The following TLCD4 variants were observed in gnomAD, a reference collection of about 807,000 sequenced individuals.
TLCD4 encodes TLC domain containing 4.
In TLCD4, 7 loss-of-function variants were observed where a neutral mutation model predicts 24.2. That is an observed-to-expected ratio of 0.29 (90% CI 0.16 to 0.54). The LOEUF (loss-of-function observed/expected upper bound fraction) is 0.54, where lower values mean the gene tolerates loss of function less well. TLCD4 is among the 20% of genes least tolerant of loss of function. TLCD4 has a pLI of 0.95. For missense variants in TLCD4, 259 were observed against 313.9 expected (o/e 0.82, Z 1.32); for synonymous variants, 103 against 106.4 (o/e 0.97, Z 0.20).
intron 1 of TLCD4, among the ~76,000 whole-genome samples, chr1:95,134,614 G>A (rs781075643): frequency 6.6e-6 from 1 of 152,138 alleles, no homozygotes; most frequent in African/African-American, 2.4e-5. Flanking sequence ...TGATGGGCTG[G>A]GAAGGAACTT....
At chr1:95,160,668 A>G (rs1469688906) in intron 5 of TLCD4, among the ~76,000 whole-genome samples, 2 of 152,106 alleles carry the variant, frequency 1.3e-5, no homozygotes, top group African/African-American at 4.8e-5. Context: ...TTATTTTGAG[A>G]TACATCCCAT....
chr1:95,155,766 T>A (rs1439796599), intron 5 of TLCD4, among the ~76,000 whole-genome samples: 2 of 131,526 alleles, frequency 1.5e-5, no homozygotes, highest in Non-Finnish European at 1.7e-5. Context: ...TTTTTTTTTT[T>A]AAGATTTTTT....
At chr1:95,110,758 C>T in the TLCD4 span, among the ~76,000 whole-genome samples, 187 of 150,986 alleles carry the variant, frequency 1.2e-3, 3 homozygotes, top group East Asian at 0.029. Flanking sequence ...GGTGTGGTGG[C>T]GCATGCCTGT....
the TLCD4 span, among the ~76,000 whole-genome samples, chr1:95,095,570 T>C: frequency 6.6e-6 from 1 of 152,032 alleles, no homozygotes; most frequent in African/African-American, 2.4e-5. Flanking sequence ...GCTAATCTTT[T>C]GTATTTTTAG....
chr1:95,140,060 C>T (rs191991219), intron 1 of TLCD4, among the ~76,000 whole-genome samples: 1 of 152,084 alleles, frequency 6.6e-6, no homozygotes, highest in African/African-American at 2.4e-5. Flanking sequence ...TGGACTGCCT[C>T]CTGAAGGACT....
Position 95,148,779 on chromosome 1 carries a change from C to G in TLCD4, c.233C>G (p.Ala78Gly), listed in dbSNP as rs751307917. 6.8e-6 allele frequency: 11 copies of G among 1,613,206 alleles called. No individual in the cohort carries two copies. The African/African-American group carries it at 1.1e-4, about 16-fold the overall frequency. The change falls in exon 3 of 7, where the codon GCT becomes GGT. Residue 78 changes from alanine (A) to glycine (G), a missense_variant. Physicochemically the swap from Ala to Gly is moderately conservative, Grantham distance 60. Transcript: ENST00000370203. Reference protein sequence around the residue: ...YIFLFDEATKADPLWGGPSLA... With the variant: ...YIFLFDEATKGDPLWGGPSLA... ...TTCTTATTCGATGAGGCTACTAAAGCTGATCCACTTTGGTAAGCTGTTTCT... is the reference window on the plus strand; with the variant it reads ...TTCTTATTCGATGAGGCTACTAAAGGTGATCCACTTTGGTAAGCTGTTTCT...
chr1:95,174,925 AC>A (rs1393660976), intron 6 of TLCD4, among the ~76,000 whole-genome samples: 29 of 152,140 alleles, frequency 1.9e-4, no homozygotes, highest in Non-Finnish European at 3.1e-4. Flanking sequence ...ACAGGTGCCC[AC>A]CACCATGCCT....
At chr1:95,157,718 G>A (rs1258905381) in intron 5 of TLCD4, among the ~76,000 whole-genome samples, 1 of 152,188 alleles carries the variant, frequency 6.6e-6, no homozygotes, top group African/African-American at 2.4e-5. Context: ...TGTAGCTTGG[G>A]CTTCTCACAG....
intron 1 of TLCD4, among the ~76,000 whole-genome samples, chr1:95,131,382 T>C (rs1222014701): frequency 2.0e-5 from 3 of 152,102 alleles, no homozygotes; most frequent in African/African-American, 7.2e-5. Context: ...ATGGCATCTT[T>C]AAGGAAGAGA....
At chr1:95,109,912 C>CAT in the TLCD4 span, among the ~76,000 whole-genome samples, 52 of 80,264 alleles carry the variant, frequency 6.5e-4, no homozygotes, top group East Asian at 8.2e-4. Flanking sequence ...TGTGTGTATG[C>CAT]ATATATATAT....
In TLCD4 at chr1:95,193,845, G is replaced by T. The variant is rs965417858; in HGVS notation, c.*1977G>T. The T allele has an allele frequency of 6.6e-6, 1 of 152,038 alleles. No individual in the cohort carries two copies. Among genetic ancestry groups the T allele is most frequent in the Non-Finnish European group, 1.5e-5 (1 of 67,952 alleles). 9.4% of individuals were successfully genotyped at this position (152,038 alleles called of 1,614,324 possible). On this transcript the variant is annotated 3_prime_UTR_variant, in exon 7 of 7. Coordinates refer to ENST00000370203, the MANE Select transcript of TLCD4 (RefSeq NM_152487.3). ...ATATGTACTGGTTAACTAGAGGGGG[G>T]TAGGAAAGCAAGCGGTTTTATCTTG... is the stretch of plus-strand genomic sequence containing the variant.
At chr1:95,160,920 A>G (rs904165681) in intron 5 of TLCD4, among the ~76,000 whole-genome samples, 3 of 152,000 alleles carry the variant, frequency 2.0e-5, no homozygotes, top group Non-Finnish European at 2.9e-5. Context: ...TTTATTGAGG[A>G]TTTTTGCATC....
chr1:95,138,358 G>A (rs1205125085), intron 1 of TLCD4: 1 of 152,144 alleles, frequency 6.6e-6, no homozygotes, highest in East Asian at 1.9e-4. Context: ...TGGCAGTGCT[G>A]TTTCCCAGGG....
At chr1:95,161,361 A>G (rs1677797428) in intron 5 of TLCD4, among the ~76,000 whole-genome samples, 1 of 152,056 alleles carries the variant, frequency 6.6e-6, no homozygotes, top group Non-Finnish European at 1.5e-5. Flanking sequence ...CCCCTTTATC[A>G]TTTTTTATTG....
chr1:95,153,048 C>CCCA (rs1288152365), intron 5 of TLCD4, among the ~76,000 whole-genome samples: 4 of 151,830 alleles, frequency 2.6e-5, no homozygotes, highest in Non-Finnish European at 5.9e-5. Flanking sequence ...AATTTCCAAG[C>CCCA]CCACCATATT....
intron 6 of TLCD4, among the ~76,000 whole-genome samples, chr1:95,181,387 A>G (rs541342355): frequency 6.6e-6 from 1 of 152,286 alleles, no homozygotes; most frequent in Admixed American, 6.5e-5. Context: ...ATAGAAAAAA[A>G]GTATTTTAGT....
chr1:95,108,872 A>G, the TLCD4 span, among the ~76,000 whole-genome samples: 1 of 152,284 alleles, frequency 6.6e-6, no homozygotes, highest in Admixed American at 6.5e-5. Flanking sequence ...TTGAGATTCT[A>G]TAGTATTTTT....
At chr1:95,173,332 C>T (rs1415448175) in intron 5 of TLCD4, among the ~76,000 whole-genome samples, 6 of 147,890 alleles carry the variant, frequency 4.1e-5, no homozygotes, top group Non-Finnish European at 5.9e-5. Context: ...TTTTTTGAGA[C>T]GGAGTCTCGC....
At chr1:95,142,875 G>C (rs12407573) in intron 1 of TLCD4, among the ~76,000 whole-genome samples, 38,181 of 151,630 alleles carry the variant, frequency 0.25, 7,116 homozygotes, top group East Asian at 0.62. Flanking sequence ...GCTTGAATCC[G>C]GGAGGCGGAG....
Sources: allele counts gnomAD v4.1 joint callset (sites outside exome capture counted in the v4.1 genomes callset), GRCh38; gene constraint gnomAD v4.1.1; transcripts MANE v1.5; gene names NCBI Gene and HGNC (gene_info 2026-07-23, HGNC 2026-07-21).